Variants in SHISA6 observed in about 807,000 individuals in gnomAD.
SHISA6 encodes the protein shisa family member 6, also known as protein shisa-6.
A neutral mutation model predicts 47.9 loss-of-function variants in SHISA6; 22 were observed. The observed-to-expected ratio is 0.46, with a 90% confidence interval of 0.33 to 0.66. SHISA6 has a LOEUF of 0.66. SHISA6 is among the 30% of genes least tolerant of loss of function. SHISA6 has a pLI of 0.02. For missense variants in SHISA6, 680 were observed against 764.6 expected, an observed-to-expected ratio of 0.89 and a Z score of 1.30; for synonymous variants, 388 against 337.8, an observed-to-expected ratio of 1.15 and a Z score of -1.63.
rs78415802 is a variant in SHISA6, at chr17:11,435,981, T to A, written c.895+56472T>A. On this transcript the variant is annotated intron_variant, in intron 3 of 5. Coordinates refer to ENST00000441885, the MANE Select transcript of SHISA6 (RefSeq NM_207386.4). ...TATTTCCCTCAAAAACCAAACTGTG[T>A]TAGCATTGATTGGAGTATCTAATAC... 6.9e-3 allele frequency among the ~76,000 whole-genome samples: 1,053 copies of A among 152,314 alleles called. 5 individuals are homozygous for A. Among genetic ancestry groups the A allele is most frequent in the Non-Finnish European group, 0.011 (731 of 68,012 alleles).
At chr17:11,430,700 C>T (rs565334721) in intron 3 of SHISA6, among the ~76,000 whole-genome samples, 8 of 152,234 alleles carry the variant, frequency 5.3e-5, no homozygotes, top group Middle Eastern at 3.4e-3. Flanking sequence ...GCCTACCAAC[C>T]GACTTCTATT....
In SHISA6 at chr17:11,542,633, CT is replaced by C. The variant is rs543371242; in HGVS notation, c.896-9259del. On this transcript the variant is annotated intron_variant, in intron 3 of 5. Transcript: ENST00000441885. ...GAAGGATGAAATAGGTTCTAAAATT[CT>C]TTTACCCCGAGATAAAGGGAGTTAT... Among the ~76,000 whole-genome samples the C allele has an allele frequency of 2.8e-3, 422 of 152,138 alleles. 1 individual carries two copies. Among genetic ancestry groups the C allele is most frequent in the African/African-American group, 9.6e-3 (397 of 41,520 alleles).
At chr17:11,327,647 A>G (rs1910945566) in intron 2 of SHISA6, among the ~76,000 whole-genome samples, 1 of 152,192 alleles carries the variant, frequency 6.6e-6, no homozygotes, top group Non-Finnish European at 1.5e-5. Context: ...AAATAAAAAA[A>G]TTAGCCGGGT....
At chr17:11,453,533 C>T (rs1915456935) in intron 3 of SHISA6, among the ~76,000 whole-genome samples, 1 of 152,212 alleles carries the variant, frequency 6.6e-6, no homozygotes, top group African/African-American at 2.4e-5. Context: ...CCCACTATTT[C>T]ACCAATCTGT....
At chr17:11,274,532 A>G (rs983357839) in intron 2 of SHISA6, among the ~76,000 whole-genome samples, 5 of 136,830 alleles carry the variant, frequency 3.7e-5, no homozygotes, top group Non-Finnish European at 7.4e-5. Flanking sequence ...AGCTCTCACC[A>G]GGAGGGAGAG....
intron 3 of SHISA6, among the ~76,000 whole-genome samples, chr17:11,419,554 C>G (rs1441411951): frequency 6.6e-6 from 1 of 152,108 alleles, no homozygotes; most frequent in Non-Finnish European, 1.5e-5. Flanking sequence ...TTTAGGCAGG[C>G]AGTGGAAATG....
At chr17:11,491,007 C>T (rs1916461783) in intron 3 of SHISA6, among the ~76,000 whole-genome samples, 1 of 152,152 alleles carries the variant, frequency 6.6e-6, no homozygotes, top group Non-Finnish European at 1.5e-5. Flanking sequence ...CCTCCCTGAC[C>T]ACAGAAGGAG....
chr17:11,352,682 C>T (rs1016748658), intron 2 of SHISA6, among the ~76,000 whole-genome samples: 8 of 152,154 alleles, frequency 5.3e-5, no homozygotes, highest in Non-Finnish European at 1.2e-4. Flanking sequence ...AGCTGTCTCC[C>T]TGGGGCTGAG....
chr17:11,243,730 C>T (rs964415575), intron 1 of SHISA6, among the ~76,000 whole-genome samples: 3 of 152,230 alleles, frequency 2.0e-5, no homozygotes, highest in Non-Finnish European at 4.4e-5. Flanking sequence ...CATCCTTACA[C>T]CTCTGCCTCA....
intron 3 of SHISA6, among the ~76,000 whole-genome samples, chr17:11,500,976 C>T (rs1271563351): frequency 1.3e-5 from 2 of 152,124 alleles, no homozygotes; most frequent in African/African-American, 4.8e-5. Context: ...GTCATGAGTC[C>T]CTTCTTACAC....
At chr17:11,464,784 A>C (rs1915769836) in intron 3 of SHISA6, among the ~76,000 whole-genome samples, 1 of 152,182 alleles carries the variant, frequency 6.6e-6, no homozygotes, top group African/African-American at 2.4e-5. Context: ...CTCTACTAAA[A>C]TACAAAAATT....
chr17:11,252,366 A>G (rs1907846477), intron 1 of SHISA6, among the ~76,000 whole-genome samples: 2 of 152,180 alleles, frequency 1.3e-5, no homozygotes, highest in Non-Finnish European at 2.9e-5. Flanking sequence ...CTCTGGACAT[A>G]TTCGTTGTTC....
At chr17:11,519,146 AG>A (rs1345332818) in intron 3 of SHISA6, among the ~76,000 whole-genome samples, 6 of 152,288 alleles carry the variant, frequency 3.9e-5, no homozygotes, top group Admixed American at 3.3e-4. Flanking sequence ...AAGGTGCTCT[AG>A]TTTCTCTTAG....
intron 2 of SHISA6, among the ~76,000 whole-genome samples, chr17:11,305,912 C>T (rs776461970): frequency 6.6e-6 from 1 of 152,102 alleles, no homozygotes; most frequent in Non-Finnish European, 1.5e-5. Flanking sequence ...AGGGAGAAGG[C>T]ATTATTTGTG....
chr17:11,555,273 C>A (rs1226768214), intron 4 of SHISA6, among the ~76,000 whole-genome samples: 1 of 152,072 alleles, frequency 6.6e-6, no homozygotes, highest in Non-Finnish European at 1.5e-5. Flanking sequence ...GTCCTGGACT[C>A]AGTTCTTCTA....
intron 3 of SHISA6, among the ~76,000 whole-genome samples, chr17:11,383,119 G>A (rs759135001): frequency 6.6e-6 from 1 of 151,872 alleles, no homozygotes; most frequent in Non-Finnish European, 1.5e-5. Flanking sequence ...TGTATTTTTA[G>A]TAGAGACAGG....
At chr17:11,515,264 A>T (rs971600370) in intron 3 of SHISA6, among the ~76,000 whole-genome samples, 2 of 149,910 alleles carry the variant, frequency 1.3e-5, no homozygotes, top group Non-Finnish European at 3.0e-5. Flanking sequence ...AAAAAGAAAA[A>T]AGAAAATAGA....
In SHISA6 at chr17:11,274,906, A is replaced by G. The variant is rs576625341; in HGVS notation, c.799+11380A>G. On this transcript the variant is annotated intron_variant, in intron 2 of 5. Transcript: ENST00000441885. ...GTGCTTGAAGGGCAGGTAAGATTGA[A>G]TGGGCGAGGAGGAGAGTGGAGGGTA... Among the ~76,000 whole-genome samples, 23 of 152,266 alleles carry G rather than the reference A, an allele frequency of 1.5e-4. No homozygotes were observed. In the East Asian group the frequency reaches 1.9e-3, roughly 13 times the overall value.
chr17:11,497,030 C>T (rs1339442658), intron 3 of SHISA6, among the ~76,000 whole-genome samples: 1 of 152,246 alleles, frequency 6.6e-6, no homozygotes, highest in Non-Finnish European at 1.5e-5. Flanking sequence ...TGCTGCCTCC[C>T]ATAAGTTTGG....
Sources: allele counts gnomAD v4.1 joint callset (sites outside exome capture counted in the v4.1 genomes callset), GRCh38; gene constraint gnomAD v4.1.1; transcripts MANE v1.5; gene names NCBI Gene and HGNC (gene_info 2026-07-23, HGNC 2026-07-21).